The following NOL10 variants were observed in gnomAD, a reference collection of about 807,000 sequenced individuals.
The protein encoded by NOL10 is H_NH0074G24.1.
A neutral mutation model predicts 103.5 loss-of-function variants in NOL10; 58 were observed. That is an observed-to-expected ratio of 0.56 (90% CI 0.45 to 0.70). The LOEUF (loss-of-function observed/expected upper bound fraction) is 0.70. NOL10 is among the 30% of genes least tolerant of loss of function. The pLI, the probability that NOL10 is intolerant of heterozygous loss-of-function variation, is 0.00. For missense variants in NOL10, 763 were observed against 807.3 expected (o/e 0.95, Z 0.67); for synonymous variants, 287 against 282.5 (o/e 1.02, Z -0.16).
chr2:10,640,186 C>A (rs1280223738), intron 13 of NOL10, among the ~76,000 whole-genome samples: 2 of 152,218 alleles, frequency 1.3e-5, no homozygotes, highest in Admixed American at 6.5e-5. Flanking sequence ...ACACACATTT[C>A]TTTGGTTCTA....
chr2:10,609,001 T>A (rs1333020399), intron 13 of NOL10, among the ~76,000 whole-genome samples: 1 of 152,098 alleles, frequency 6.6e-6, no homozygotes, highest in Non-Finnish European at 1.5e-5. Context: ...AAATTCCATA[T>A]AGAACACTTT....
At chr2:10,627,056 A>G (rs1677516479) in intron 13 of NOL10, among the ~76,000 whole-genome samples, 1 of 152,228 alleles carries the variant, frequency 6.6e-6, no homozygotes, top group Non-Finnish European at 1.5e-5. Context: ...AAAAGGCCAC[A>G]GATACTGTTA....
chr2:10,617,994 T>C (rs893982143), intron 13 of NOL10, among the ~76,000 whole-genome samples: 1 of 150,964 alleles, frequency 6.6e-6, no homozygotes, highest in Non-Finnish European at 1.5e-5. Context: ...GTCATGGAAT[T>C]AGTGGCAACC....
At chr2:10,613,527 T>A (rs553097754) in intron 13 of NOL10, among the ~76,000 whole-genome samples, 5 of 152,330 alleles carry the variant, frequency 3.3e-5, no homozygotes, top group African/African-American at 1.2e-4. Context: ...TATGGTTTCA[T>A]AACCAGGAAA....
rs779127625 is a variant in NOL10, at chr2:10,589,140, C to T, written c.1747G>A (p.Asp583Asn). ...KVKRQERLKE[D>N]QQTVLKPQFY... ...TGGGGCTTTAGGACTGTCTGCTGGT[C>T]CTCCTTGAGTCGTTCCTGCCGCTTC... The change falls in exon 19 of 21, where the codon GAC becomes AAC. Residue 583 changes from aspartate to asparagine, a missense_variant. Asp to Asn is a conservative substitution (Grantham distance 23). Transcript: ENST00000381685. 6.2e-7 allele frequency: 1 copy of T among 1,614,008 alleles called. No homozygotes were observed. Among genetic ancestry groups the T allele is most frequent in the Admixed American group, 1.7e-5 (1 of 60,030 alleles).
At chr2:10,664,343 G>A (rs1004547082) in intron 8 of NOL10, among the ~76,000 whole-genome samples, 1 of 152,066 alleles carries the variant, frequency 6.6e-6, no homozygotes, top group African/African-American at 2.4e-5. Context: ...CAAGAGAATC[G>A]CTTGAACCTG....
At chr2:10,644,981 A>C (rs1229003905) in intron 12 of NOL10, among the ~76,000 whole-genome samples, 1 of 152,212 alleles carries the variant, frequency 6.6e-6, no homozygotes, top group Non-Finnish European at 1.5e-5. Context: ...GGCAATATGC[A>C]AACATCAAAA....
chr2:10,613,367 A>G (rs149896189), intron 13 of NOL10, among the ~76,000 whole-genome samples: 2 of 152,346 alleles, frequency 1.3e-5, no homozygotes, highest in East Asian at 1.9e-4. Flanking sequence ...AGTCAAACAT[A>G]AGTAAGTGGA....
At chr2:10,676,638 CTTTT>C (rs1281732474) in intron 3 of NOL10, among the ~76,000 whole-genome samples, 3 of 135,316 alleles carry the variant, frequency 2.2e-5, no homozygotes, top group Admixed American at 1.5e-4. Context: ...GGCACTTTGT[CTTTT>C]TTTTTTTTTT....
At chr2:10,625,298 G>A (rs1275358671) in intron 13 of NOL10, among the ~76,000 whole-genome samples, 1 of 152,150 alleles carries the variant, frequency 6.6e-6, no homozygotes, top group Non-Finnish European at 1.5e-5. Context: ...GTCAATGTCT[G>A]TTCACTGGCT....
intron 12 of NOL10, among the ~76,000 whole-genome samples, chr2:10,648,307 C>A (rs1335072348): frequency 1.3e-5 from 2 of 152,038 alleles, no homozygotes; most frequent in Admixed American, 6.5e-5. Context: ...TGATTAAGCC[C>A]ACAATGATTA....
chr2:10,612,820 C>A (rs1350985120), intron 13 of NOL10, among the ~76,000 whole-genome samples: 1 of 151,986 alleles, frequency 6.6e-6, no homozygotes, highest in African/African-American at 2.4e-5. Flanking sequence ...CAAGCCTGGG[C>A]AATGTAGTGA....
intron 4 of NOL10, 34 bp from the exon 5 acceptor site, chr2:10,673,591 C>A: frequency 7.0e-7 from 1 of 1,432,528 alleles, no homozygotes; most frequent in South Asian, 1.2e-5. Flanking sequence ...ATACAATTAT[C>A]AAACAATATT....
chr2:10,657,529 T>C (rs185486874), intron 11 of NOL10, among the ~76,000 whole-genome samples: 51 of 133,280 alleles, frequency 3.8e-4, no homozygotes, highest in African/African-American at 1.3e-3. Context: ...TTCTAGATAA[T>C]TGGGAAAACT....
chr2:10,631,633 G>C (rs1558304822), intron 13 of NOL10, among the ~76,000 whole-genome samples: 1 of 151,926 alleles, frequency 6.6e-6, no homozygotes, highest in Admixed American at 6.6e-5. Flanking sequence ...TGGCTGACAA[G>C]AAGGCACTGT....
chr2:10,656,286 C>T (rs999673078), intron 11 of NOL10, among the ~76,000 whole-genome samples: 2 of 152,162 alleles, frequency 1.3e-5, no homozygotes, highest in East Asian at 3.8e-4. Flanking sequence ...GGTCTAAGAT[C>T]ATGAATCTTC....
intron 17 of NOL10, among the ~76,000 whole-genome samples, chr2:10,597,930 T>C (rs527311755): frequency 6.6e-6 from 1 of 152,292 alleles, no homozygotes; most frequent in South Asian, 2.1e-4. Context: ...TTTAAAATAA[T>C]CAAATGCCAT....
chr2:10,676,531 C>G (rs1043046349), intron 3 of NOL10, among the ~76,000 whole-genome samples: 1 of 152,042 alleles, frequency 6.6e-6, no homozygotes, highest in African/African-American at 2.4e-5. Flanking sequence ...GCTGCCAAAA[C>G]GTACTATAAA....
At chr2:10,647,163 T>C (rs1679134753) in intron 12 of NOL10, among the ~76,000 whole-genome samples, 1 of 147,496 alleles carries the variant, frequency 6.8e-6, no homozygotes, top group African/African-American at 2.5e-5. Context: ...ACATTTCCAA[T>C]ATGACCCAGT....
Sources: allele counts gnomAD v4.1 joint callset (sites outside exome capture counted in the v4.1 genomes callset), GRCh38; gene constraint gnomAD v4.1.1; transcripts MANE v1.5; gene names NCBI Gene and HGNC (gene_info 2026-07-23, HGNC 2026-07-21).